HERC5: variants seen among roughly 807,000 people sequenced by gnomAD.
The protein encoded by HERC5 is E3 ISG15--protein ligase HERC5.
A neutral mutation model predicts 119.6 loss-of-function variants in HERC5; 99 were observed. The ratio of observed to expected loss-of-function variants is 0.83; its 90% CI spans 0.70 to 0.98. The LOEUF is 0.98. HERC5 is among the 50% of genes least tolerant of loss of function. The pLI is 0.00. For synonymous variants in HERC5, 478 were observed against 445.9 expected, an observed-to-expected ratio of 1.07 and a Z score of -0.91; for missense variants, 1,267 against 1,241.3, an observed-to-expected ratio of 1.02 and a Z score of -0.31.
At chr4:88,461,563 G>T (rs2149084173) in intron 3 of HERC5, among the ~76,000 whole-genome samples, 1 of 152,152 alleles carries the variant, frequency 6.6e-6, no homozygotes, top group African/African-American at 2.4e-5. Context: ...TATTTTTTTA[G>T]ACTCTATTAG....
At chr4:88,469,878 A>G (rs894006377) in intron 9 of HERC5, among the ~76,000 whole-genome samples, 19 of 152,218 alleles carry the variant, frequency 1.2e-4, no homozygotes, top group African/African-American at 4.6e-4. Context: ...TCTTTACTGT[A>G]GGGCTTCTCC....
At chr4:88,475,088 A>AT (rs1171685695) in intron 11 of HERC5, among the ~76,000 whole-genome samples, 10 of 144,490 alleles carry the variant, frequency 6.9e-5, no homozygotes, top group African/African-American at 2.6e-4. Flanking sequence ...ATTATGTTAA[A>AT]TTTTGTTCTT....
chr4:88,493,295 A>G (rs1325183775), intron 17 of HERC5, 140 bp downstream of exon 17: 12 of 707,684 alleles, frequency 1.7e-5, no homozygotes, highest in Admixed American at 3.5e-5. Context: ...TAATTCTAAT[A>G]AGGTGATTAT....
At chr4:88,483,985 C>T (rs943812658) in intron 13 of HERC5, among the ~76,000 whole-genome samples, 1 of 152,070 alleles carries the variant, frequency 6.6e-6, no homozygotes, top group Non-Finnish European at 1.5e-5. Flanking sequence ...TGGCATGTCC[C>T]TTAAGCTTTC....
At chr4:88,490,064 T>C (rs1741586820) in intron 16 of HERC5, among the ~76,000 whole-genome samples, 1 of 152,220 alleles carries the variant, frequency 6.6e-6, no homozygotes, top group Admixed American at 6.5e-5. Context: ...ATTTTCTCTT[T>C]AAATCCTACA....
intron 12 of HERC5, 87 bp from the exon 13 acceptor site, chr4:88,479,266 C>G: frequency 9.2e-7 from 1 of 1,081,820 alleles, no homozygotes. Flanking sequence ...GGCTGGGCAA[C>G]AGGGTGAGAC....
intron 9 of HERC5, among the ~76,000 whole-genome samples, chr4:88,470,058 C>T (rs1347696770): frequency 6.6e-6 from 1 of 152,220 alleles, no homozygotes; most frequent in Non-Finnish European, 1.5e-5. Context: ...TACAGAACTC[C>T]TACCTATTCT....
chr4:88,464,944 G>A (rs545332687), intron 6 of HERC5, among the ~76,000 whole-genome samples: 10 of 152,060 alleles, frequency 6.6e-5, no homozygotes, highest in Non-Finnish European at 1.2e-4. Context: ...CTAATTTTTT[G>A]TATTTTTAGT....
chr4:88,469,201 AG>A lies in HERC5; in HGVS notation c.1182del (p.Thr395LeufsTer2). 1.9e-6 allele frequency: 3 copies of A among 1,613,320 alleles called. No individual in the cohort carries two copies. Among genetic ancestry groups the A allele is most frequent in the Non-Finnish European group, 2.5e-6 (3 of 1,179,318 alleles). ...LKRTIPTLNE[G>X]TVKRWIADVE... ...AGAGGACAATTCCTACTCTGAATGA[AG>A]GGACTGTAAAGAGATGGATTGCTGA... is the stretch of plus-strand genomic sequence containing the variant. On this transcript the variant is annotated frameshift_variant, in exon 9 of 23. Coordinates refer to ENST00000264350, the MANE Select transcript of HERC5 (RefSeq NM_016323.4). LOFTEE classifies it high-confidence loss of function.
intron 14 of HERC5, 92 bp downstream of exon 14, chr4:88,486,320 C>A: frequency 1.4e-6 from 1 of 709,782 alleles, no homozygotes; most frequent in Non-Finnish European, 2.4e-6. Context: ...ATAGAAATAG[C>A]AGGACTTGTG....
Position 88,459,330 on chromosome 4 carries a change from T to C in HERC5, c.266-17T>C, listed in dbSNP as rs755146276. 1.3e-6 allele frequency: 2 copies of C among 1,543,986 alleles called. No homozygotes were observed. Among genetic ancestry groups the C allele is most frequent in the Non-Finnish European group, 1.7e-6 (2 of 1,151,468 alleles). On this transcript the variant is annotated splice_polypyrimidine_tract_variant and intron_variant, in intron 1 of 22. Coordinates refer to ENST00000264350, the MANE Select transcript of HERC5 (RefSeq NM_016323.4). ...TAATCAAAGTGACAATAGTTCCTGG[T>C]TGGATTTGCTCTGTAGAATGCATTA...
In HERC5 at chr4:88,489,134, GA is replaced by G. The variant is rs745449364; in HGVS notation, c.1963-30del. On this transcript the variant is annotated intron_variant, in intron 15 of 22. Coordinates refer to ENST00000264350, the MANE Select transcript of HERC5 (RefSeq NM_016323.4). ...ACTTAGAGAGGGCCAATGGTAAAAT[GA>G]AGTGTAATATTTCTGTTTCTGTTTT... 3.2e-6 allele frequency: 5 copies of G among 1,572,150 alleles called. No individual in the cohort carries two copies. The South Asian group carries it at 5.9e-5, about 19-fold the overall frequency.
intron 6 of HERC5, among the ~76,000 whole-genome samples, chr4:88,465,714 T>G (rs1337804177): frequency 6.6e-6 from 1 of 152,180 alleles, no homozygotes; most frequent in Admixed American, 6.5e-5. Context: ...ACAGGACAAT[T>G]CACTGGAAAG....
At position 88,459,382 on chromosome 4, in the gene HERC5, T is replaced by G; in HGVS notation, c.301T>G (p.Ser101Ala). 6.3e-7 allele frequency: 1 copy of G among 1,595,458 alleles called. No homozygotes were observed. Among genetic ancestry groups the G allele is most frequent in the Non-Finnish European group, 8.5e-7 (1 of 1,172,872 alleles). ...ATTAGGAAAAAACATGAAGATACAT[T>G]CCGTGGACCAAGGAGCAGAGCACAT... ...IKLGKNMKIH[S>A]VDQGAEHMLI... The change falls in exon 2 of 23, where the codon TCC (serine) becomes GCC (alanine). Residue 101 changes from serine to alanine, a missense_variant. Physicochemically the swap from Ser to Ala is moderately conservative, Grantham distance 99. Coordinates refer to ENST00000264350, the MANE Select transcript of HERC5 (RefSeq NM_016323.4).
Position 88,467,158 on chromosome 4 carries a change from G to A in HERC5, c.1011G>A (p.Leu337=). The stretch of plus-strand genomic sequence containing the variant: ...GAAATGGTGGAACACGTGACCAGCT[G>A]ATGCCGCTTCCAGTGAAAGTATCAT... The part of the protein sequence containing the change: ...QLGNGGTRDQ[L]MPLPVKVSSS... The change falls in exon 7 of 23, where the codon CTG becomes CTA. Residue 337 remains leucine (L), a synonymous_variant. Coordinates refer to ENST00000264350, the MANE Select transcript of HERC5 (RefSeq NM_016323.4). 6.2e-7 allele frequency: 1 copy of A among 1,614,200 alleles called. No individual in the cohort carries two copies. The highest frequency in any genetic ancestry group is 2.2e-5 in the East Asian group (1 of 44,886).
At chr4:88,494,412 T>C in intron 18 of HERC5, 81 bp downstream of exon 18, 3 of 1,148,012 alleles carry the variant, frequency 2.6e-6, no homozygotes, top group Non-Finnish European at 3.7e-6. Flanking sequence ...CTTCATAATA[T>C]TTCCATGTTC....
intron 13 of HERC5, among the ~76,000 whole-genome samples, chr4:88,479,998 C>T (rs1006722626): frequency 6.8e-6 from 1 of 147,294 alleles, no homozygotes; most frequent in Non-Finnish European, 1.5e-5. Flanking sequence ...ACCCGGGAGG[C>T]GGAGCTTGCA....
intron 1 of HERC5, among the ~76,000 whole-genome samples, 164 bp from the exon 2 acceptor site, chr4:88,459,183 G>A (rs559426494): frequency 6.6e-6 from 1 of 152,186 alleles, no homozygotes; most frequent in African/African-American, 2.4e-5. Context: ...TGTCTTTCCT[G>A]ATTTGCTTTG....
chr4:88,472,396 C>G lies in HERC5; in HGVS notation c.1299-13C>G, dbSNP rs374842725. ...TAATCTAACAAAATACTTAATTTATCTTTCTTCTACAGAAGAACTACAGAA... is the reference window on the plus strand; with the variant it reads ...TAATCTAACAAAATACTTAATTTATGTTTCTTCTACAGAAGAACTACAGAA... On this transcript the variant is annotated splice_polypyrimidine_tract_variant and intron_variant, in intron 10 of 22. Coordinates refer to ENST00000264350, the MANE Select transcript of HERC5 (RefSeq NM_016323.4). 2 of 1,440,618 alleles carry G rather than the reference C, an allele frequency of 1.4e-6. No individual in the cohort carries two copies. The highest frequency in any genetic ancestry group is 2.8e-5 in the African/African-American group (2 of 70,444). The allele number at this position is 1,440,618 out of a possible 1,614,324, so 89.2% of individuals were successfully genotyped here. A position where few individuals can be genotyped will look rare whatever the true frequency, so the allele number is the denominator to read the frequency against.
Sources: gnomAD v4.1 joint callset for allele counts (sites outside exome capture counted in the v4.1 genomes callset) on GRCh38, gnomAD v4.1.1 for gene constraint, MANE v1.5 for transcripts, NCBI Gene and HGNC (gene_info 2026-07-23, HGNC 2026-07-21) for gene names.